PTTG2: variants seen among roughly 807,000 people sequenced by gnomAD.
The protein encoded by PTTG2 is pituitary tumor-transforming 2.
For missense variants in PTTG2, 218 were observed against 226.3 expected (o/e 0.96, Z 0.23); for synonymous variants, 90 against 84.2 (o/e 1.07, Z -0.37).
In PTTG2 at chr4:37,960,464, A is replaced by C. The variant is rs749130450; in HGVS notation, c.30A>C (p.Glu10Asp). The C allele has an allele frequency of 6.2e-7, 1 of 1,613,898 alleles. No homozygotes were observed. Among genetic ancestry groups the C allele is most frequent in the South Asian group, 1.1e-5 (1 of 91,034 alleles). The change falls in exon 1 of 1, where the codon GAA becomes GAC. Residue 10 changes from glutamate (E) to aspartate (D), a missense_variant. Physicochemically the swap from Glu to Asp is conservative, Grantham distance 45. Transcript: ENST00000504686. ...CTACTCTGATCTACGTTGATAAGGA[A>C]ATTGGAGAACCAGGCACCCGTGTGG... The part of the protein sequence containing the change: MATLIYVDK[E>D]IGEPGTRVAA...
chr4:37,961,002 G>A lies in PTTG2; in HGVS notation c.568G>A (p.Gly190Arg), dbSNP rs558317194. The A allele has an allele frequency of 2.4e-5, 39 of 1,614,158 alleles. No individual in the cohort carries two copies. In the South Asian group the frequency reaches 3.8e-4, roughly 16 times the overall value. Residue 190 changes from glycine to arginine, a missense_variant, in exon 1 of 1, where the codon GGA becomes AGA. Gly to Arg is a moderately radical substitution (Grantham distance 125). Transcript: ENST00000504686. ...AVSFKHSVDPGC is the reference protein window; with the variant it reads ...AVSFKHSVDPRC ...CTCCTTCAAGCATTCTGTCGACCCT[G>A]GATGTTGAATTGCCAGCTGTTTGCT...
chr4:37,961,108 T>A lies in PTTG2; in HGVS notation c.*98T>A. The A allele has an allele frequency of 1.3e-6, 2 of 1,494,696 alleles. No individual in the cohort carries two copies. The highest frequency in any genetic ancestry group is 9.3e-7 in the Non-Finnish European group (1 of 1,078,486). The allele number at this position is 1,494,696 out of a possible 1,614,324, so 92.6% of individuals were successfully genotyped here. ...ATAAAGCATTATTTGTTTAACAACA[T>A]AATAAATACATAAATATAAAGTGGG... is the stretch of plus-strand genomic sequence containing the variant. On this transcript the variant is annotated 3_prime_UTR_variant, in exon 1 of 1. Transcript: ENST00000504686.
rs1418399857 is a variant in PTTG2 at position 37,960,527 on chromosome 4, A to G, written c.93A>G (p.Ser31=). 3.1e-6 allele frequency: 5 copies of G among 1,614,076 alleles called. No individual in the cohort carries two copies. In the Admixed American group the frequency reaches 8.3e-5, roughly 27 times the overall value. The change falls in exon 1 of 1, where the codon TCA becomes TCG. Residue 31 remains serine (S), a synonymous_variant. Transcript: ENST00000504686. The part of the protein sequence containing the change: ...KDVLKLESRP[S]IKALDGISQV... Reference sequence around the variant, plus strand: ...TGCTGAAGCTGGAGTCTAGACCTTCAATCAAAGCATTAGATGGGATATCTC... The same window carrying G: ...TGCTGAAGCTGGAGTCTAGACCTTCGATCAAAGCATTAGATGGGATATCTC...
chr4:37,960,574 G>A lies in PTTG2; in HGVS notation c.140G>A (p.Gly47Asp). 6.2e-7 allele frequency: 1 copy of A among 1,614,090 alleles called. No homozygotes were observed. Among genetic ancestry groups the A allele is most frequent in the Non-Finnish European group, 8.5e-7 (1 of 1,180,018 alleles). Residue 47 changes from glycine to aspartate, a missense_variant, in exon 1 of 1, where the codon GGC (glycine) becomes GAC (aspartate). Coordinates refer to ENST00000504686, the MANE Select transcript of PTTG2 (RefSeq NM_006607.3). ...GISQVLTRRF[G>D]KTYDAPSALP... ...TCTCAAGTTTTAACACGACGTTTTG[G>A]CAAAACATACGATGCTCCATCAGCC... is the stretch of plus-strand genomic sequence containing the variant.
chr4:37,960,419 G>A lies in PTTG2; in HGVS notation c.-16G>A, dbSNP rs1001655471. 20 of 1,600,558 alleles carry A rather than the reference G, an allele frequency of 1.2e-5. No individual in the cohort carries two copies. In the African/African-American group the frequency reaches 2.2e-4, roughly 17 times the overall value. On this transcript the variant is annotated 5_prime_UTR_variant, in exon 1 of 1. Coordinates refer to ENST00000504686, the MANE Select transcript of PTTG2 (RefSeq NM_006607.3). ...TCTTAGATGAATGTGGCTGTTGAGAGCGGCAATAATCCAGAATGGCTACTC... is the reference window on the plus strand; with the variant it reads ...TCTTAGATGAATGTGGCTGTTGAGAACGGCAATAATCCAGAATGGCTACTC...
In PTTG2 at chr4:37,960,641, A is replaced by G. The variant is rs1343129642; in HGVS notation, c.207A>G (p.Arg69=). ...ATRKALGTVN[R]ATEKSVKTNG... Reference sequence around the variant, plus strand: ...GAAAGGCTTTGGGCACTGTCAACAGAGCTACAGAAAAGTCAGTAAAGACCA... The same window carrying G: ...GAAAGGCTTTGGGCACTGTCAACAGGGCTACAGAAAAGTCAGTAAAGACCA... The change falls in exon 1 of 1, where the codon AGA becomes AGG. Residue 69 remains arginine (R), a synonymous_variant. Coordinates refer to ENST00000504686, the MANE Select transcript of PTTG2 (RefSeq NM_006607.3). The G allele has an allele frequency of 6.2e-7, 1 of 1,614,216 alleles. No homozygotes were observed. The highest frequency in any genetic ancestry group is 8.5e-7 in the Non-Finnish European group (1 of 1,180,044).
At chr4:37,960,566 AC>A in the PTTG2 span, 2 of 1,614,072 alleles carry the variant, frequency 1.2e-6, no homozygotes, top group Middle Eastern at 1.6e-4. Flanking sequence ...TTTTAACACG[AC>A]GTTTTGGCAA....
Position 37,960,424 on chromosome 4 carries a change from A to C in PTTG2, c.-11A>C. The C allele has an allele frequency of 1.2e-6, 2 of 1,605,560 alleles. No individual in the cohort carries two copies. ...GATGAATGTGGCTGTTGAGAGCGGC[A>C]ATAATCCAGAATGGCTACTCTGATC... On this transcript the variant is annotated 5_prime_UTR_variant, in exon 1 of 1. Transcript: ENST00000504686.
the PTTG2 span, chr4:37,960,681 C>T: frequency 6.2e-7 from 1 of 1,614,122 alleles, no homozygotes; most frequent in Non-Finnish European, 8.5e-7. Context: ...ACCCAGAAAA[C>T]AAAAACAGCC....
chr4:37,961,094 T>A lies in PTTG2; in HGVS notation c.*84T>A, dbSNP rs1173235144. On this transcript the variant is annotated 3_prime_UTR_variant, in exon 1 of 1. Coordinates refer to ENST00000504686, the MANE Select transcript of PTTG2 (RefSeq NM_006607.3). ...GTGTACTTGTATTAATAAAGCATTATTTGTTTAACAACATAATAAATACAT... is the reference window on the plus strand; with the variant it reads ...GTGTACTTGTATTAATAAAGCATTAATTGTTTAACAACATAATAAATACAT... 6.5e-7 allele frequency: 1 copy of A among 1,545,920 alleles called. No homozygotes were observed. The highest frequency in any genetic ancestry group is 1.4e-5 in the African/African-American group (1 of 73,078).
the PTTG2 span, chr4:37,960,935 GA>G: frequency 6.2e-7 from 1 of 1,614,122 alleles, no homozygotes. Flanking sequence ...CTTCACCTGT[GA>G]AAATGCCCTC....
Position 37,960,975 on chromosome 4 carries a change from G to C in PTTG2, c.541G>C (p.Val181Leu). 6.2e-7 allele frequency: 1 copy of C among 1,614,120 alleles called. No homozygotes were observed. The highest frequency in any genetic ancestry group is 8.5e-7 in the Non-Finnish European group (1 of 1,180,024). Residue 181 changes from valine to leucine, a missense_variant, in exon 1 of 1, where the codon GTC becomes CTC. Transcript: ENST00000504686. ...SPPWECNLFA[V>L]SFKHSVDPGC ...ACCATGGGAATGCAATCTGTTTGCAGTCTCCTTCAAGCATTCTGTCGACCC... is the reference window on the plus strand; with the variant it reads ...ACCATGGGAATGCAATCTGTTTGCACTCTCCTTCAAGCATTCTGTCGACCC...
the PTTG2 span, chr4:37,960,687 C>T: frequency 2.5e-6 from 4 of 1,614,184 alleles, no homozygotes; most frequent in Non-Finnish European, 3.4e-6. Context: ...AAAACAAAAA[C>T]AGCCAAGCTT....
chr4:37,960,590 TC>T, the PTTG2 span: 5 of 1,614,116 alleles, frequency 3.1e-6, no homozygotes, highest in South Asian at 3.3e-5. Flanking sequence ...CATACGATGC[TC>T]CATCAGCCTT....
In PTTG2 at chr4:37,961,070, T is replaced by C. The variant is rs1729953073; in HGVS notation, c.*60T>C. On this transcript the variant is annotated 3_prime_UTR_variant, in exon 1 of 1. Coordinates refer to ENST00000504686, the MANE Select transcript of PTTG2 (RefSeq NM_006607.3). The stretch of plus-strand genomic sequence containing the variant: ...ATTTCTTAGTGCTTTGGAGTTTGTG[T>C]GTACTTGTATTAATAAAGCATTATT... The C allele has an allele frequency of 6.3e-7, 1 of 1,584,502 alleles. No individual in the cohort carries two copies. The highest frequency in any genetic ancestry group is 1.3e-5 in the African/African-American group (1 of 74,128).
At position 37,960,835 on chromosome 4, in the gene PTTG2, G is replaced by A. The variant is rs199864421; in HGVS notation, c.401G>A (p.Arg134His). 164 of 1,613,978 alleles carry A rather than the reference G, an allele frequency of 1.0e-4. No individual in the cohort carries two copies. Among genetic ancestry groups the A allele is most frequent in the Non-Finnish European group, 1.3e-4 (157 of 1,180,014 alleles). Reference sequence around the variant, plus strand: ...GAGAGTTTTGACCTGCCTGAAGAGCGCCAGATTGCACACCTCCCCTTGAGT... The same window carrying A: ...GAGAGTTTTGACCTGCCTGAAGAGCACCAGATTGCACACCTCCCCTTGAGT... ...DFESFDLPEERQIAHLPLSGV... is the reference protein window; with the variant it reads ...DFESFDLPEEHQIAHLPLSGV... Residue 134 changes from arginine to histidine, a missense_variant, in exon 1 of 1, where the codon CGC becomes CAC. Coordinates refer to ENST00000504686, the MANE Select transcript of PTTG2 (RefSeq NM_006607.3).
In PTTG2 at chr4:37,960,712, T is replaced by C. The variant is rs780314581; in HGVS notation, c.278T>C (p.Met93Thr). 3.7e-6 allele frequency: 6 copies of C among 1,614,210 alleles called. No homozygotes were observed. The highest frequency in any genetic ancestry group is 1.7e-6 in the Non-Finnish European group (2 of 1,180,032). Residue 93 changes from methionine (M) to threonine (T), a missense_variant, in exon 1 of 1, where the codon ATG becomes ACG. Coordinates refer to ENST00000504686, the MANE Select transcript of PTTG2 (RefSeq NM_006607.3). ...CAGCCAAGCTTTTCTGCCAAAAAGA[T>C]GACCGAGAAGACTGTTAAAACAAAA... Reference protein sequence around the residue: ...QKQPSFSAKKMTEKTVKTKSS... With the variant: ...QKQPSFSAKKTTEKTVKTKSS...
chr4:37,960,983 C>G lies in PTTG2; in HGVS notation c.549C>G (p.Phe183Leu), dbSNP rs62000398. 7.7e-4 allele frequency: 1,237 copies of G among 1,614,122 alleles called. 8 individuals are homozygous for G. In the African/African-American group the frequency reaches 0.015, roughly 20 times the overall value. ...AATGCAATCTGTTTGCAGTCTCCTT[C>G]AAGCATTCTGTCGACCCTGGATGTT... The part of the protein sequence containing the change: ...PWECNLFAVS[F>L]KHSVDPGC The change falls in exon 1 of 1, where the codon TTC becomes TTG. Residue 183 changes from phenylalanine to leucine, a missense_variant. Phe to Leu is a conservative substitution (Grantham distance 22, BLOSUM62 0). Transcript: ENST00000504686.
In PTTG2 at chr4:37,960,429, TC is replaced by T; in HGVS notation, c.-4del. 1 of 1,608,016 alleles carries T rather than the reference TC, an allele frequency of 6.2e-7. No individual in the cohort carries two copies. Reference sequence around the variant, plus strand: ...ATGTGGCTGTTGAGAGCGGCAATAATCCAGAATGGCTACTCTGATCTACGTT... The same window carrying T: ...ATGTGGCTGTTGAGAGCGGCAATAATCAGAATGGCTACTCTGATCTACGTT... On this transcript the variant is annotated 5_prime_UTR_variant, in exon 1 of 1. Coordinates refer to ENST00000504686, the MANE Select transcript of PTTG2 (RefSeq NM_006607.3).
Sources: allele counts gnomAD v4.1 joint callset, GRCh38; gene constraint gnomAD v4.1.1; transcripts MANE v1.5; gene names NCBI Gene and HGNC (gene_info 2026-07-23, HGNC 2026-07-21).